Variants in LRCH4 observed in about 807,000 individuals in gnomAD.
The protein encoded by LRCH4 is leucine rich repeats and calponin homology domain containing 4, also known as leucine-rich repeat and calponin homology domain-containing protein 4.
LRCH4 carries 56 observed loss-of-function variants against 81.2 expected under a neutral mutation model. The observed-to-expected ratio is 0.69, with a 90% CI of 0.56 to 0.86. The LOEUF (loss-of-function observed/expected upper bound fraction) is 0.86. LRCH4 is among the 40% of genes least tolerant of loss of function. The probability of loss-of-function intolerance (pLI) is 0.00; values close to 1 mark genes in which losing one functional copy is unlikely to be tolerated. For missense variants in LRCH4, 895 were observed against 922.8 expected (o/e 0.97, Z 0.39); for synonymous variants, 442 against 409.7 (o/e 1.08, Z -0.95).
chr7:100,579,369 G>A lies in LRCH4; in HGVS notation c.599-583C>T, dbSNP rs187506095. The stretch of plus-strand genomic sequence containing the variant: ...TCCCAGCAATTTGGGAGGCCAAGGC[G>A]GGTGGATCACAAGGTCAAGAGATTG... On this transcript the variant is annotated intron_variant, in intron 4 of 17. Transcript: ENST00000310300. The A allele has an allele frequency of 2.3e-3, 349 of 153,014 alleles. 2 individuals are homozygous for A. Among genetic ancestry groups the A allele is most frequent in the South Asian group, 9.0e-3 (44 of 4,908 alleles). 9.5% of individuals were successfully genotyped at this position (153,014 alleles called of 1,614,324 possible). A position where few individuals can be genotyped will look rare whatever the true frequency, so the allele number is the denominator to read the frequency against.
chr7:100,584,213 GTA>G (rs764848725), intron 1 of LRCH4: 2 of 456,476 alleles, frequency 4.4e-6, no homozygotes, highest in Non-Finnish European at 8.8e-6. Flanking sequence ...ATGGGCAACT[GTA>G]TGTTTTTGTC....
chr7:100,584,563 G>A, intron 1 of LRCH4: 2 of 390,616 alleles, frequency 5.1e-6, no homozygotes, highest in Non-Finnish European at 1.0e-5. Flanking sequence ...GAGGGGAAGG[G>A]AACAGACAGT....
Position 100,574,773 on chromosome 7 carries a change from T to G in LRCH4, c.*334A>C. On this transcript the variant is annotated 3_prime_UTR_variant, in exon 18 of 18. Transcript: ENST00000310300. ...TAATTTAGCCCCCCCATAGCAGCTG[T>G]TGGGGGGGGAAGGGGAGGGCACAGG... 1.5e-4 allele frequency: 38 copies of G among 261,672 alleles called. No individual in the cohort carries two copies. Among genetic ancestry groups the G allele is most frequent in the East Asian group, 3.0e-4 (4 of 13,458 alleles). The allele number at this position is 261,672 out of a possible 1,614,324, so 16.2% of individuals were successfully genotyped here. A position where few individuals can be genotyped will look rare whatever the true frequency, so the allele number is the denominator to read the frequency against.
In LRCH4 at chr7:100,574,079, C is replaced by G. The variant is rs1801245827; in HGVS notation, c.*1028G>C. On this transcript the variant is annotated 3_prime_UTR_variant, in exon 18 of 18. Transcript: ENST00000310300. ...TGCGGCTGACACGACACCTGCGACACCCGCGGTCCTTCCACCCAGACCCTC... is the reference window on the plus strand; with the variant it reads ...TGCGGCTGACACGACACCTGCGACAGCCGCGGTCCTTCCACCCAGACCCTC... 1 of 156,134 alleles carries G rather than the reference C, an allele frequency of 6.4e-6. No individual in the cohort carries two copies. The highest frequency in any genetic ancestry group is 1.4e-5 in the Non-Finnish European group (1 of 70,266). The allele number at this position is 156,134 out of a possible 1,614,324, so 9.7% of individuals were successfully genotyped here. A position where few individuals can be genotyped will look rare whatever the true frequency, so the allele number is the denominator to read the frequency against.
chr7:100,582,525 C>G lies in LRCH4; in HGVS notation c.221-66G>C. 3.9e-6 allele frequency: 6 copies of G among 1,525,954 alleles called. No homozygotes were observed. The highest frequency in any genetic ancestry group is 1.8e-6 in the Non-Finnish European group (2 of 1,131,978). 94.5% of individuals were successfully genotyped at this position (1,525,954 alleles called of 1,614,324 possible). On this transcript the variant is annotated intron_variant, in intron 1 of 17. Coordinates refer to ENST00000310300, the MANE Select transcript of LRCH4 (RefSeq NM_002319.5). This position sits in a 1 kb window ranked among gnomAD's most constrained non-coding sequence, Gnocchi z 5.0. Reference sequence around the variant, plus strand: ...CAGCCCGGACAGGACCTTCAGTCCCCCCAGAGCCGGCTGCCCACTCCCTCA... The same window carrying G: ...CAGCCCGGACAGGACCTTCAGTCCCGCCAGAGCCGGCTGCCCACTCCCTCA...
Position 100,575,410 on chromosome 7 carries a change from GC to G in LRCH4, c.1855-107del. The G allele has an allele frequency of 9.3e-7, 1 of 1,077,984 alleles. No homozygotes were observed. The highest frequency in any genetic ancestry group is 1.4e-6 in the Non-Finnish European group (1 of 736,994). The allele number at this position is 1,077,984 out of a possible 1,614,324, so 66.8% of individuals were successfully genotyped here. A position where few individuals can be genotyped will look rare whatever the true frequency, so the allele number is the denominator to read the frequency against. On this transcript the variant is annotated intron_variant, in intron 17 of 17. Coordinates refer to ENST00000310300, the MANE Select transcript of LRCH4 (RefSeq NM_002319.5). The surrounding 1 kb of genome is among the most constrained non-coding windows in gnomAD (Gnocchi z 5.3). ...CCTCACGTGCTGGGGCCAGAACCAC[GC>G]CCACATGCTGACGTGCTGGGCAGGG... is the stretch of plus-strand genomic sequence containing the variant.
chr7:100,576,935 C>T lies in LRCH4; in HGVS notation c.1435G>A (p.Ala479Thr), dbSNP rs760691766. The T allele has an allele frequency of 1.3e-6, 2 of 1,566,606 alleles. No individual in the cohort carries two copies. The highest frequency in any genetic ancestry group is 2.7e-5 in the African/African-American group (2 of 73,606). The change falls in exon 13 of 18, where the codon GCC becomes ACC. Residue 479 changes from alanine (A) to threonine (T), a missense_variant. Transcript: ENST00000310300. Reference sequence around the variant, plus strand: ...GCTATGGGAAGGGGCTCTTGGGAGGCAGGGGCAGGGGCGGGGGCTCCCTGC... The same window carrying T: ...GCTATGGGAAGGGGCTCTTGGGAGGTAGGGGCAGGGGCGGGGGCTCCCTGC... Reference protein sequence around the residue: ...AGQGAPAPAPASQEPLPIAGP... With the variant: ...AGQGAPAPAPTSQEPLPIAGP...
rs60668677 is a variant in LRCH4, at chr7:100,583,273, C to T, written c.221-814G>A. Among the ~76,000 whole-genome samples, 14,871 of 152,242 alleles carry T rather than the reference C, an allele frequency of 0.098. 918 individuals are homozygous for T. The highest frequency in any genetic ancestry group is 0.17 in the African/African-American group (7,150 of 41,536). On this transcript the variant is annotated intron_variant, in intron 1 of 17. Coordinates refer to ENST00000310300, the MANE Select transcript of LRCH4 (RefSeq NM_002319.5). This position sits in a 1 kb window ranked among gnomAD's most constrained non-coding sequence, Gnocchi z 4.3. Reference sequence around the variant, plus strand: ...AGCAACTGTGTGAGCATCTCAGGCACGGCGAGGGTGGAGAGTGTGGGAGGG... The same window carrying T: ...AGCAACTGTGTGAGCATCTCAGGCATGGCGAGGGTGGAGAGTGTGGGAGGG...
In LRCH4 at chr7:100,577,372, C is replaced by T; in HGVS notation, c.1196G>A (p.Gly399Glu). The T allele has an allele frequency of 6.3e-7, 1 of 1,599,840 alleles. No individual in the cohort carries two copies. The highest frequency in any genetic ancestry group is 8.5e-7 in the Non-Finnish European group (1 of 1,179,420). ...APSSRREEPA[G>E]EERRRPDTLQ... ...GGTGTCCGGGCGCCGCCGCTCCTCC[C>T]CTGCCGGCTCCTCCCGCCTGAGGGA... The change falls in exon 11 of 18, where the codon GGG becomes GAG. Residue 399 changes from glycine (G) to glutamate (E), a missense_variant. Physicochemically the swap from Gly to Glu is moderately conservative, Grantham distance 98. This residue lies in a region of LRCH4 where 529 missense variants were observed against 504.9 expected (regional missense o/e 1.05). Transcript: ENST00000310300. The surrounding 1 kb of genome is among the most constrained non-coding windows in gnomAD (Gnocchi z 6.7).
Position 100,575,323 on chromosome 7 carries a change from G to A in LRCH4, c.1855-19C>T. 6.6e-7 allele frequency: 1 copy of A among 1,525,538 alleles called. No homozygotes were observed. Among genetic ancestry groups the A allele is most frequent in the South Asian group, 1.2e-5 (1 of 81,926 alleles). The allele number at this position is 1,525,538 out of a possible 1,614,324, so 94.5% of individuals were successfully genotyped here. On this transcript the variant is annotated intron_variant, in intron 17 of 17. Transcript: ENST00000310300. This position sits in a 1 kb window ranked among gnomAD's most constrained non-coding sequence, Gnocchi z 5.3. ...GGTCAGCCTGGGGGAGAGGAGAGCA[G>A]GTGGACAAGGACAAGGGACAGACGT...
rs754070876 is a variant in LRCH4, at chr7:100,578,488, G to A, written c.759C>T (p.His253=). 1 of 1,614,074 alleles carries A rather than the reference G, an allele frequency of 6.2e-7. No individual in the cohort carries two copies. Among genetic ancestry groups the A allele is most frequent in the South Asian group, 1.1e-5 (1 of 91,064 alleles). The change falls in exon 6 of 18, where the codon CAC becomes CAT. Residue 253 remains histidine, a synonymous_variant. Coordinates refer to ENST00000310300, the MANE Select transcript of LRCH4 (RefSeq NM_002319.5). This position sits in a 1 kb window ranked among gnomAD's most constrained non-coding sequence, Gnocchi z 5.7. ...CCTCTGTGGACAAATACTTGAAGAT[G>A]TGAAGTTTCCCCTTCAGGCAGACCT... ...PAQVCLKGKL[H]IFKYLSTEAG...
chr7:100,577,516 C>A lies in LRCH4; in HGVS notation c.1159G>T (p.Glu387Ter), dbSNP rs1237087373. The A allele has an allele frequency of 1.9e-6, 3 of 1,609,752 alleles. No individual in the cohort carries two copies. Among genetic ancestry groups the A allele is most frequent in the Non-Finnish European group, 2.5e-6 (3 of 1,179,958 alleles). Residue 387 changes from glutamate to a stop codon, truncating the protein, a stop_gained, in exon 10 of 18, where the codon GAG becomes TAG. Transcript: ENST00000310300. LOFTEE classifies it high-confidence loss of function. This position sits in a 1 kb window ranked among gnomAD's most constrained non-coding sequence, Gnocchi z 6.7. ...GGGTACCTGCTGCTTGGTGCCCTCTCCCTGTCCCCTGCCCCAGGGCTTAAT... is the reference window on the plus strand; with the variant it reads ...GGGTACCTGCTGCTTGGTGCCCTCTACCTGTCCCCTGCCCCAGGGCTTAAT... ...PELSPGAGDR[E>*]RAPSSRREEP...
In LRCH4 at chr7:100,575,124, G is replaced by A. The variant is rs369773140; in HGVS notation, c.2035C>T (p.Arg679Trp). The stretch of plus-strand genomic sequence containing the variant: ...TTTGGGGCCTAGGAACCCAGGAGCC[G>A]AGTGTAGGTGACATAGAGCAGCAGC... The part of the protein sequence containing the change: ...LMLLLYVTYT[R>W]LLGS The change falls in exon 18 of 18, where the codon CGG becomes TGG. Residue 679 changes from arginine to tryptophan, a missense_variant. Transcript: ENST00000310300. The surrounding 1 kb of genome is among the most constrained non-coding windows in gnomAD (Gnocchi z 5.3). The A allele has an allele frequency of 1.6e-4, 261 of 1,610,342 alleles. 2 individuals carry two copies. The highest frequency in any genetic ancestry group is 5.0e-4 in the Middle Eastern group (3 of 5,958).
At chr7:100,579,714 T>G (rs1367146389) in intron 4 of LRCH4, 1 of 152,190 alleles carries the variant, frequency 6.6e-6, no homozygotes, top group Non-Finnish European at 1.5e-5. Context: ...CCACCCGCGT[T>G]TCCCACCTCA....
At position 100,583,346 on chromosome 7, in the gene LRCH4, C is replaced by T. The variant is rs758628471; in HGVS notation, c.221-887G>A. 2.6e-5 allele frequency among the ~76,000 whole-genome samples: 4 copies of T among 152,182 alleles called. No homozygotes were observed. Among genetic ancestry groups the T allele is most frequent in the Admixed American group, 1.3e-4 (2 of 15,288 alleles). ...TTATCTGGAGCACTGCCTTGCTATG[C>T]GGAGGCTGGCAGCCTTGGGATTCCC... On this transcript the variant is annotated intron_variant, in intron 1 of 17. Coordinates refer to ENST00000310300, the MANE Select transcript of LRCH4 (RefSeq NM_002319.5). The surrounding 1 kb of genome is among the most constrained non-coding windows in gnomAD (Gnocchi z 4.3).
At chr7:100,580,782 AACAGAC>A (rs772634278) in intron 4 of LRCH4, 1 of 151,480 alleles carries the variant, frequency 6.6e-6, no homozygotes, top group Non-Finnish European at 1.5e-5. Flanking sequence ...ACAACACACG[AACAGAC>A]ACAGACACAC....
At chr7:100,581,423 C>A (rs1305944150) in intron 4 of LRCH4, among the ~76,000 whole-genome samples, 1 of 152,186 alleles carries the variant, frequency 6.6e-6, no homozygotes, top group Admixed American at 6.5e-5. Flanking sequence ...GAAATCCTAA[C>A]CCCCAAAGTG....
At chr7:100,581,735 G>A (rs909897582) in intron 4 of LRCH4, 42 bp downstream of exon 4, 30 of 1,569,442 alleles carry the variant, frequency 1.9e-5, no homozygotes, top group Non-Finnish European at 2.4e-5. Flanking sequence ...CAACTGGGAC[G>A]CACATACAAA....
chr7:100,585,968 C>T lies in LRCH4; in HGVS notation c.133G>A (p.Gly45Arg), dbSNP rs377766601. Residue 45 changes from glycine (G) to arginine (R), a missense_variant, in exon 1 of 18, where the codon GGG (glycine) becomes AGG (arginine). Around this residue, in one of 3 missense-constraint regions of LRCH4, gnomAD observed 360 missense variants for 397.0 expected, o/e 0.91. Transcript: ENST00000310300. The part of the protein sequence containing the change: ...ERALEEAVAT[G>R]TLNLSNRRLK... ...CGCCGGTTAGACAGGTTCAGGGTCC[C>T]GGTGGCCACGGCCTCCTCTAGGGCC... is the stretch of plus-strand genomic sequence containing the variant. 1.2e-6 allele frequency: 2 copies of T among 1,612,312 alleles called. No homozygotes were observed. The highest frequency in any genetic ancestry group is 8.5e-7 in the Non-Finnish European group (1 of 1,179,084).
Sources: gnomAD v4.1 joint callset for allele counts (sites outside exome capture counted in the v4.1 genomes callset) on GRCh38, gnomAD v4.1.1 for gene constraint, gnomAD v4.1.1 regional missense constraint, Gnocchi (gnomAD v3.1) non-coding constraint, MANE v1.5 for transcripts, NCBI Gene and HGNC (gene_info 2026-07-23, HGNC 2026-07-21) for gene names.